The following CDH13 variants were observed in gnomAD, a reference collection of about 807,000 sequenced individuals.
CDH13 encodes cadherin-13.
Under a neutral mutation model 63.8 loss-of-function variants are expected in CDH13, and 24 were observed. The ratio of observed to expected loss-of-function variants is 0.38; its 90% CI spans 0.27 to 0.53. The LOEUF is 0.53. Ranked by LOEUF, CDH13 falls within the 20% of genes least tolerant of loss-of-function variation. The pLI is 0.85. For synonymous variants in CDH13, 503 were observed against 355.3 expected, an observed-to-expected ratio of 1.42 and a Z score of -4.67; for missense variants, 1,049 against 903.1, an observed-to-expected ratio of 1.16 and a Z score of -2.07.
chr16:83,671,427 T>G (rs1245476691), intron 9 of CDH13, among the ~76,000 whole-genome samples: 1 of 152,126 alleles, frequency 6.6e-6, no homozygotes, highest in Non-Finnish European at 1.5e-5. Context: ...TTTTGTATTT[T>G]TAGTAGAGAT....
intron 6 of CDH13, among the ~76,000 whole-genome samples, chr16:83,412,974 A>G (rs1201690200): frequency 6.6e-6 from 1 of 152,174 alleles, no homozygotes; most frequent in Admixed American, 6.5e-5. Context: ...TTACTTATAA[A>G]CCTGTCATCA....
intron 4 of CDH13, among the ~76,000 whole-genome samples, chr16:83,158,173 C>T (rs71402051): frequency 0.044 from 6,683 of 152,106 alleles, 170 homozygotes; most frequent in Middle Eastern, 0.078. Flanking sequence ...CCACTCCCCC[C>T]GGACAACAAG....
intron 1 of CDH13, among the ~76,000 whole-genome samples, chr16:82,685,186 A>G (rs1286870029): frequency 1.3e-5 from 2 of 152,242 alleles, no homozygotes; most frequent in African/African-American, 4.8e-5. Context: ...ATAAAAAAAT[A>G]CCATAGACTA....
At chr16:82,940,625 C>G (rs1248785128) in intron 2 of CDH13, among the ~76,000 whole-genome samples, 1 of 152,178 alleles carries the variant, frequency 6.6e-6, no homozygotes, top group Non-Finnish European at 1.5e-5. Flanking sequence ...ATACATCTTT[C>G]AAGATGTTTG....
intron 2 of CDH13, among the ~76,000 whole-genome samples, chr16:82,880,984 G>T (rs565518853): frequency 6.6e-6 from 1 of 152,146 alleles, no homozygotes; most frequent in Non-Finnish European, 1.5e-5. Context: ...ACATTACCCC[G>T]TGGTGTCTAG....
At chr16:83,522,369 A>G (rs2074859283) in intron 7 of CDH13, among the ~76,000 whole-genome samples, 2 of 152,218 alleles carry the variant, frequency 1.3e-5, no homozygotes, top group African/African-American at 2.4e-5. Context: ...GACTGTCAAA[A>G]TTAACATGAG....
chr16:83,333,394 G>T (rs1357034922), intron 5 of CDH13, among the ~76,000 whole-genome samples: 1 of 152,102 alleles, frequency 6.6e-6, no homozygotes, highest in Non-Finnish European at 1.5e-5. Flanking sequence ...TTTCCTTACG[G>T]AGCGGGGGTG....
intron 2 of CDH13, chr16:82,859,612 C>G: frequency 6.6e-6 from 1 of 151,772 alleles, no homozygotes; most frequent in Non-Finnish European, 1.5e-5. Flanking sequence ...TGATCATACG[C>G]TCCAAGGTCT....
intron 2 of CDH13, among the ~76,000 whole-genome samples, chr16:82,870,415 C>A (rs1266837059): frequency 6.6e-6 from 1 of 151,888 alleles, no homozygotes; most frequent in African/African-American, 2.4e-5. Context: ...GGATGGTCCC[C>A]AAAAAACTAA....
intron 1 of CDH13, among the ~76,000 whole-genome samples, chr16:82,645,699 A>G (rs1298334436): frequency 6.6e-6 from 1 of 152,208 alleles, no homozygotes; most frequent in South Asian, 2.1e-4. Context: ...GGAGGCTGGA[A>G]TCTGAAGCTG....
intron 7 of CDH13, among the ~76,000 whole-genome samples, chr16:83,507,839 C>T (rs1210782753): frequency 9.7e-6 from 1 of 102,778 alleles, no homozygotes; most frequent in Non-Finnish European, 2.2e-5. Context: ...TCGATGCCAG[C>T]CTGGCCAACA....
chr16:83,352,133 A>G (rs545672896), intron 6 of CDH13, among the ~76,000 whole-genome samples: 1 of 152,094 alleles, frequency 6.6e-6, no homozygotes, highest in African/African-American at 2.4e-5. Context: ...AGCTTGGAGG[A>G]GACAGCACTT....
At chr16:83,360,377 G>C (rs2091138900) in intron 6 of CDH13, among the ~76,000 whole-genome samples, 1 of 152,124 alleles carries the variant, frequency 6.6e-6, no homozygotes, top group South Asian at 2.1e-4. Flanking sequence ...ATATGGGAGG[G>C]GGTTCCTCAA....
chr16:82,935,295 C>G (rs554342872), intron 2 of CDH13, among the ~76,000 whole-genome samples: 1 of 152,310 alleles, frequency 6.6e-6, no homozygotes, highest in East Asian at 1.9e-4. Flanking sequence ...ATGAGAACAG[C>G]ATGAGGGGAA....
At chr16:82,925,254 G>T (rs138119576) in intron 2 of CDH13, among the ~76,000 whole-genome samples, 107 of 152,264 alleles carry the variant, frequency 7.0e-4, no homozygotes, top group African/African-American at 2.6e-3. Context: ...TAGAGAAATG[G>T]CCCAGAGAGG....
At chr16:82,725,318 C>T (rs750642791) in intron 1 of CDH13, among the ~76,000 whole-genome samples, 7 of 152,118 alleles carry the variant, frequency 4.6e-5, no homozygotes, top group Non-Finnish European at 1.0e-4. Flanking sequence ...AGGTTTGTGG[C>T]CTTGGGCAGA....
chr16:82,788,862 A>G (rs1841860665), intron 1 of CDH13, among the ~76,000 whole-genome samples: 1 of 152,168 alleles, frequency 6.6e-6, no homozygotes, highest in Non-Finnish European at 1.5e-5. Flanking sequence ...ATGACTCTTA[A>G]TGCCTTTTGG....
intron 2 of CDH13, among the ~76,000 whole-genome samples, chr16:82,943,761 C>T (rs1450550673): frequency 6.6e-6 from 1 of 152,224 alleles, no homozygotes; most frequent in Non-Finnish European, 1.5e-5. Flanking sequence ...CAATCAATTA[C>T]ACAGATGTCT....
At chr16:83,355,144 G>T (rs1446428588) in intron 6 of CDH13, among the ~76,000 whole-genome samples, 1 of 152,164 alleles carries the variant, frequency 6.6e-6, no homozygotes, top group East Asian at 1.9e-4. Context: ...TGTGGAGAGA[G>T]AAATAGGGAA....
Sources: allele counts gnomAD v4.1 joint callset (sites outside exome capture counted in the v4.1 genomes callset), GRCh38; gene constraint gnomAD v4.1.1; transcripts MANE v1.5; gene names NCBI Gene and HGNC (gene_info 2026-07-23, HGNC 2026-07-21).